ZNF565: variants seen among roughly 807,000 people sequenced by gnomAD.
ZNF565 encodes zinc finger protein 565.
In ZNF565, 27 loss-of-function variants were observed where a neutral mutation model predicts 39.4. The ratio of observed to expected loss-of-function variants is 0.69; its 90% confidence interval spans 0.51 to 0.95. The LOEUF is 0.95. Among genes scored for constraint, ZNF565 ranks in the 40% least tolerant of loss-of-function variants. The probability of loss-of-function intolerance (pLI) is 0.00; values close to 1 mark genes in which losing one functional copy is unlikely to be tolerated. For synonymous variants in ZNF565, 185 were observed against 216.6 expected (o/e 0.85, Z 1.28); for missense variants, 524 against 621.1 (o/e 0.84, Z 1.66).
At chr19:36,244,115 C>G (rs545015335) in intron 1 of ZNF565, among the ~76,000 whole-genome samples, 1 of 141,812 alleles carries the variant, frequency 7.1e-6, no homozygotes, top group East Asian at 2.1e-4. Flanking sequence ...GAAAAAAGAC[C>G]CATGGGATCC....
chr19:36,240,452 G>A (rs371240857), intron 1 of ZNF565, among the ~76,000 whole-genome samples: 1 of 152,154 alleles, frequency 6.6e-6, no homozygotes, highest in African/African-American at 2.4e-5. Flanking sequence ...CACAGGGATG[G>A]AGACAGATCA....
chr19:36,243,494 G>A (rs1437073476), intron 1 of ZNF565, among the ~76,000 whole-genome samples: 2 of 152,266 alleles, frequency 1.3e-5, no homozygotes, highest in South Asian at 4.2e-4. Flanking sequence ...GTAATAGCAG[G>A]CAGATGTGAA....
chr19:36,210,291 G>A (rs1976303644), intron 1 of ZNF565, among the ~76,000 whole-genome samples: 1 of 151,564 alleles, frequency 6.6e-6, no homozygotes, highest in African/African-American at 2.4e-5. Flanking sequence ...GGGCGAGGTG[G>A]TGGGCGCCTG....
intron 1 of ZNF565, among the ~76,000 whole-genome samples, chr19:36,230,993 G>A (rs1977334474): frequency 6.6e-6 from 1 of 151,868 alleles, no homozygotes; most frequent in Non-Finnish European, 1.5e-5. Flanking sequence ...TAGAGTCGAG[G>A]TTTCACCATG....
chr19:36,228,275 C>CTAT (rs1977170462), intron 1 of ZNF565, among the ~76,000 whole-genome samples: 3 of 140,836 alleles, frequency 2.1e-5, no homozygotes, highest in East Asian at 4.3e-4. Context: ...ACAACTTCTT[C>CTAT]ACATTGTGCC....
At chr19:36,236,303 G>T in intron 1 of ZNF565, 1 of 1,016,266 alleles carries the variant, frequency 9.8e-7, no homozygotes, top group South Asian at 1.8e-5. Context: ...CCCTTACTCT[G>T]CATTTGGGAG....
chr19:36,245,166 CAG>C lies in ZNF565; in HGVS notation c.55+308_55+309del, dbSNP rs1315209904. Among the ~76,000 whole-genome samples the C allele has an allele frequency of 6.6e-6, 1 of 152,228 alleles. No homozygotes were observed. Among genetic ancestry groups the C allele is most frequent in the African/African-American group, 2.4e-5 (1 of 41,458 alleles). The stretch of plus-strand genomic sequence containing the variant: ...CGAGAGCCATGGATTCGCATTTGCG[CAG>C]AGTCGGGGTCTGTTGCTACGGGTCC... On this transcript the variant is annotated intron_variant, in intron 1 of 4. Transcript: ENST00000355114. The surrounding 1 kb of genome is among the most constrained non-coding windows in gnomAD (Gnocchi z 4.4).
At position 36,182,712 on chromosome 19, in the gene ZNF565, G is replaced by A; in HGVS notation, c.1254C>T (p.Pro418=). 6.2e-7 allele frequency: 1 copy of A among 1,614,068 alleles called. No individual in the cohort carries two copies. The highest frequency in any genetic ancestry group is 8.5e-7 in the Non-Finnish European group (1 of 1,180,002). ...QHQRIHTGDK[P]YECKECGKAF... ...CCTTCCCACATTCCTTACATTCGTA[G>A]GGTTTGTCACCTGTATGAATTCTTT... Residue 418 remains proline (P), a synonymous_variant, in exon 5 of 5, where the codon CCC becomes CCT. Coordinates refer to ENST00000304116, the MANE Select transcript of ZNF565 (RefSeq NM_152477.5).
At position 36,207,573 on chromosome 19, in the gene ZNF565, AAAAC is replaced by A. The variant is rs1271392026; in HGVS notation, c.-65-5527_-65-5524del. 2.6e-5 allele frequency among the ~76,000 whole-genome samples: 4 copies of A among 152,042 alleles called. No homozygotes were observed. In the South Asian group the frequency reaches 6.2e-4, roughly 24 times the overall value. ...AAAAAATACATAACAAACAAACAAC[AAAAC>A]AAACAAACAACAACAAAAAGAAAAG... On this transcript the variant is annotated intron_variant, in intron 1 of 4. Coordinates refer to ENST00000304116, the MANE Select transcript of ZNF565 (RefSeq NM_152477.5).
chr19:36,241,674 C>G (rs1396297069), intron 1 of ZNF565, among the ~76,000 whole-genome samples: 2 of 150,950 alleles, frequency 1.3e-5, no homozygotes, highest in African/African-American at 4.9e-5. Context: ...CACCTATCAT[C>G]CCAGTACTTT....
At chr19:36,226,612 T>C (rs1977077760) in intron 1 of ZNF565, among the ~76,000 whole-genome samples, 1 of 152,216 alleles carries the variant, frequency 6.6e-6, no homozygotes, top group African/African-American at 2.4e-5. Context: ...GTTGTGGACA[T>C]GCTTCCTTTA....
chr19:36,185,552 C>A (rs1460862567), intron 4 of ZNF565, among the ~76,000 whole-genome samples: 1 of 151,998 alleles, frequency 6.6e-6, no homozygotes, highest in Non-Finnish European at 1.5e-5. Flanking sequence ...TCTCCCCTTT[C>A]CTCCCAGTGT....
At chr19:36,243,517 C>A (rs10164381) in intron 1 of ZNF565, among the ~76,000 whole-genome samples, 203 of 152,218 alleles carry the variant, frequency 1.3e-3, no homozygotes, top group Non-Finnish European at 2.5e-3. Flanking sequence ...GAGTTAAAAA[C>A]GAGAAGAATG....
intron 1 of ZNF565, chr19:36,236,967 A>G (rs373277922): frequency 1.1e-5 from 17 of 1,614,088 alleles, no homozygotes; most frequent in African/African-American, 1.3e-5. Context: ...AAACATCAGA[A>G]CATTCACACT....
chr19:36,239,057 C>A (rs1454560438), intron 1 of ZNF565, among the ~76,000 whole-genome samples: 1 of 152,196 alleles, frequency 6.6e-6, no homozygotes, highest in Non-Finnish European at 1.5e-5. Flanking sequence ...CTTCTACCCC[C>A]ACAAACCGTC....
intron 1 of ZNF565, among the ~76,000 whole-genome samples, chr19:36,213,600 G>T (rs993707389): frequency 6.6e-6 from 1 of 151,978 alleles, no homozygotes; most frequent in African/African-American, 2.4e-5. Flanking sequence ...TGGCCAGGCT[G>T]GTCTAGAACT....
intron 1 of ZNF565, among the ~76,000 whole-genome samples, chr19:36,204,912 T>C (rs1366397317): frequency 1.3e-5 from 2 of 152,060 alleles, no homozygotes; most frequent in Non-Finnish European, 2.9e-5. Context: ...TGCTTGAACC[T>C]GGGAGGCGGA....
At chr19:36,199,506 C>CT (rs1183093969) in intron 2 of ZNF565, among the ~76,000 whole-genome samples, 2,607 of 128,890 alleles carry the variant, frequency 0.02, 89 homozygotes, top group African/African-American at 0.057. Context: ...CTTTCTTTCT[C>CT]TTTTTTTTTT....
intron 1 of ZNF565, among the ~76,000 whole-genome samples, chr19:36,206,737 TGAGA>T (rs1209228704): frequency 6.6e-6 from 1 of 151,904 alleles, no homozygotes; most frequent in Non-Finnish European, 1.5e-5. Flanking sequence ...GAGGCTGAGG[TGAGA>T]GAATCACTTG....
Sources: gnomAD v4.1 joint callset for allele counts (sites outside exome capture counted in the v4.1 genomes callset) on GRCh38, gnomAD v4.1.1 for gene constraint, Gnocchi (gnomAD v3.1) non-coding constraint, MANE v1.5 for transcripts, NCBI Gene and HGNC (gene_info 2026-07-23, HGNC 2026-07-21) for gene names.